SDHB: variants seen among roughly 807,000 people sequenced by gnomAD.
The protein encoded by SDHB is succinate dehydrogenase complex iron sulfur subunit B, also known as succinate dehydrogenase [ubiquinone] iron-sulfur subunit, mitochondrial.
Under a neutral mutation model 39.7 loss-of-function variants are expected in SDHB, and 21 were observed. The observed-to-expected ratio is 0.53, with a 90% CI of 0.37 to 0.76. The LOEUF is 0.76. Ranked by LOEUF, SDHB falls within the 30% of genes least tolerant of loss-of-function variation. SDHB has a pLI of 0.00. For missense variants in SDHB, 343 were observed against 350.9 expected, an observed-to-expected ratio of 0.98 and a Z score of 0.18; for synonymous variants, 118 against 117.0, an observed-to-expected ratio of 1.01 and a Z score of -0.06.
chr1:17,020,018 A>G (rs555251082), intron 7 of SDHB, among the ~76,000 whole-genome samples: 1 of 152,352 alleles, frequency 6.6e-6, no homozygotes, highest in East Asian at 1.9e-4. Flanking sequence ...GAAAAAATAC[A>G]GATAAATGTG....
At chr1:17,044,125 C>T (rs1026310838) in intron 2 of SDHB, among the ~76,000 whole-genome samples, 1 of 151,888 alleles carries the variant, frequency 6.6e-6, no homozygotes, top group Admixed American at 6.6e-5. Context: ...AAGTTTCTGG[C>T]GGTTCTGTTA....
chr1:17,030,907 CTG>C (rs957489408), intron 3 of SDHB, among the ~76,000 whole-genome samples: 7 of 151,418 alleles, frequency 4.6e-5, no homozygotes, highest in African/African-American at 1.7e-4. Flanking sequence ...GTCTCGAACT[CTG>C]ACCTTGTGAT....
At chr1:17,021,414 C>A (rs2077961443) in intron 7 of SDHB, among the ~76,000 whole-genome samples, 1 of 152,004 alleles carries the variant, frequency 6.6e-6, no homozygotes, top group African/African-American at 2.4e-5. Flanking sequence ...TGCACCCCAG[C>A]CTGGGCAACA....
rs116714260 is a variant in SDHB at position 17,050,359 on chromosome 1, A to G, written c.72+3589T>C. On this transcript the variant is annotated intron_variant, in intron 1 of 7. Coordinates refer to ENST00000375499, the MANE Select transcript of SDHB (RefSeq NM_003000.3). ...TAAATTTGTTTTGTGTCAAAAATGTATTTTATAGGCCAGGCGTGGTGGCTC... is the reference window on the plus strand; with the variant it reads ...TAAATTTGTTTTGTGTCAAAAATGTGTTTTATAGGCCAGGCGTGGTGGCTC... 9.2e-3 allele frequency among the ~76,000 whole-genome samples: 1,393 copies of G among 151,070 alleles called. 26 individuals carry two copies. Among genetic ancestry groups the G allele is most frequent in the African/African-American group, 0.033 (1,344 of 41,210 alleles).
chr1:17,033,602 T>A (rs922687372), intron 2 of SDHB, among the ~76,000 whole-genome samples: 4 of 152,170 alleles, frequency 2.6e-5, no homozygotes, highest in African/African-American at 9.7e-5. Flanking sequence ...CCCAGTCAAA[T>A]CACTGTGAGC....
intron 6 of SDHB, chr1:17,023,087 C>G (rs1434433194): frequency 8.7e-6 from 3 of 345,656 alleles, no homozygotes; most frequent in African/African-American, 2.1e-5. Context: ...GTCTTCATGG[C>G]ACCTACCCAT....
intron 2 of SDHB, among the ~76,000 whole-genome samples, chr1:17,034,818 A>C (rs1166328996): frequency 6.6e-6 from 1 of 152,188 alleles, no homozygotes; most frequent in Non-Finnish European, 1.5e-5. Context: ...TTAAATCGAG[A>C]CTTTTGAATA....
chr1:17,037,882 A>G (rs2101534177), intron 2 of SDHB, among the ~76,000 whole-genome samples: 1 of 152,280 alleles, frequency 6.6e-6, no homozygotes, highest in South Asian at 2.1e-4. Flanking sequence ...CACACCTGCA[A>G]TCCCAGCACT....
chr1:17,037,604 G>A (rs905678242), intron 2 of SDHB, among the ~76,000 whole-genome samples: 3 of 152,122 alleles, frequency 2.0e-5, no homozygotes, highest in Middle Eastern at 3.2e-3. Context: ...TTACAGGTGT[G>A]TGCTACCATG....
At chr1:17,027,154 A>G (rs1464605276) in intron 5 of SDHB, among the ~76,000 whole-genome samples, 1 of 152,190 alleles carries the variant, frequency 6.6e-6, no homozygotes, top group East Asian at 1.9e-4. Flanking sequence ...TTCTTCGCAG[A>G]GGAGTAGAAG....
chr1:17,035,340 G>T (rs933184496), intron 2 of SDHB, among the ~76,000 whole-genome samples: 1 of 151,924 alleles, frequency 6.6e-6, no homozygotes, highest in South Asian at 2.1e-4. Context: ...TGCAAAAACT[G>T]TATCAGTTGT....
intron 1 of SDHB, among the ~76,000 whole-genome samples, chr1:17,053,700 T>TCCC (rs35029966): frequency 8.5e-6 from 1 of 118,322 alleles, no homozygotes; most frequent in Non-Finnish European, 1.8e-5. Context: ...TTTCTGAACG[T>TCCC]CCCCCCCCCC....
intron 7 of SDHB, among the ~76,000 whole-genome samples, chr1:17,020,495 C>T (rs1475246880): frequency 1.3e-5 from 2 of 152,218 alleles, no homozygotes; most frequent in African/African-American, 2.4e-5. Flanking sequence ...GCACAGAGAA[C>T]CTGTTCTTGG....
intron 1 of SDHB, among the ~76,000 whole-genome samples, chr1:17,051,682 A>G (rs1402514866): frequency 7.1e-6 from 1 of 140,004 alleles, no homozygotes; most frequent in African/African-American, 2.6e-5. Flanking sequence ...TATCTGCCTC[A>G]TAAGATAACC....
chr1:17,043,429 CACTT>C (rs1388401176), intron 2 of SDHB, among the ~76,000 whole-genome samples: 1 of 152,156 alleles, frequency 6.6e-6, no homozygotes, highest in African/African-American at 2.4e-5. Context: ...TCATTAACAG[CACTT>C]ACTTGTCACC....
intron 5 of SDHB, 156 bp downstream of exon 5, chr1:17,027,593 G>A (rs953891055): frequency 8.7e-6 from 6 of 688,110 alleles, no homozygotes; most frequent in East Asian, 8.0e-5. Flanking sequence ...CTACTCACCC[G>A]GCCCTAAGAG....
intron 2 of SDHB, among the ~76,000 whole-genome samples, chr1:17,040,444 T>C (rs1202471245): frequency 6.6e-6 from 1 of 152,168 alleles, no homozygotes; most frequent in Non-Finnish European, 1.5e-5. Context: ...TCCAATTACA[T>C]GTGTGTTACA....
Position 17,044,854 on chromosome 1 carries a change from G to A in SDHB, c.107C>T (p.Ala36Val), listed in dbSNP as rs1337800267. ...GATGGCAAATTTCTTGATACGGGGA[G>A]CTGTGGCTGCAGCTGTCTGGGCTCC... is the stretch of plus-strand genomic sequence containing the variant. Reference protein sequence around the residue: ...SRGAQTAAATAPRIKKFAIYR... With the variant: ...SRGAQTAAATVPRIKKFAIYR... Residue 36 changes from alanine to valine, a missense_variant, in exon 2 of 8, where the codon GCT (alanine) becomes GTT (valine). Transcript: ENST00000375499. 4 of 1,613,974 alleles carry A rather than the reference G, an allele frequency of 2.5e-6. No individual in the cohort carries two copies. The highest frequency in any genetic ancestry group is 3.4e-6 in the Non-Finnish European group (4 of 1,179,940).
chr1:17,025,546 A>C (rs2077986892), intron 5 of SDHB, among the ~76,000 whole-genome samples: 1 of 152,076 alleles, frequency 6.6e-6, no homozygotes, highest in Non-Finnish European at 1.5e-5. Flanking sequence ...AGTAGCTGGG[A>C]CTATAGGTGC....
Sources: allele counts gnomAD v4.1 joint callset (sites outside exome capture counted in the v4.1 genomes callset), GRCh38; gene constraint gnomAD v4.1.1; transcripts MANE v1.5; gene names NCBI Gene and HGNC (gene_info 2026-07-23, HGNC 2026-07-21).